Variants in CLEC4C observed in about 807,000 individuals in gnomAD.
CLEC4C encodes the protein C-type lectin domain family 4 member C, also known as C-type (calcium dependent, carbohydrate-recognition domain) lectin, superfamily member 11.
Under a neutral mutation model 27.7 loss-of-function variants are expected in CLEC4C, and 17 were observed. The observed-to-expected ratio is 0.61, with a 90% CI of 0.42 to 0.92. CLEC4C has a LOEUF of 0.92. Among genes scored for constraint, CLEC4C ranks in the 40% least tolerant of loss-of-function variants. The pLI is 0.00. For missense variants in CLEC4C, 244 were observed against 257.3 expected (o/e 0.95, Z 0.35); for synonymous variants, 80 against 80.8 (o/e 0.99, Z 0.06).
At position 7,743,677 on chromosome 12, in the gene CLEC4C, T is replaced by C. The variant is rs1051495392; in HGVS notation, c.125-2146A>G. ...ACGCCCGGCCTTAATTCTTTATTCA[T>C]GTATTTCATCATTCTGATTTTGAGA... On this transcript the variant is annotated intron_variant, in intron 2 of 5. Coordinates refer to ENST00000360345, the MANE Select transcript of CLEC4C (RefSeq NM_001371390.1). Among the ~76,000 whole-genome samples the C allele has an allele frequency of 2.0e-5, 3 of 152,156 alleles. No individual in the cohort carries two copies. In the South Asian group the frequency reaches 6.2e-4, roughly 31 times the overall value.
chr12:7,734,552 ATT>A (rs34564177), intron 4 of CLEC4C, among the ~76,000 whole-genome samples: 21 of 142,856 alleles, frequency 1.5e-4, no homozygotes, highest in African/African-American at 4.6e-4. Flanking sequence ...GAGGCCTCCA[ATT>A]TTTTTTTTTT....
intron 4 of CLEC4C, among the ~76,000 whole-genome samples, chr12:7,735,534 C>T (rs11055523): frequency 0.14 from 21,152 of 146,308 alleles, 1,607 homozygotes; most frequent in East Asian, 0.32. Context: ...CGGCCAGGCA[C>T]GGTGGCTCAC....
At chr12:7,734,353 CCA>C (rs1184052712) in intron 4 of CLEC4C, among the ~76,000 whole-genome samples, 2 of 152,050 alleles carry the variant, frequency 1.3e-5, no homozygotes, top group African/African-American at 4.8e-5. Context: ...AAATTAGAGT[CCA>C]GAGCCAAGAA....
rs1162616983 is a variant in CLEC4C, at chr12:7,734,795, G to A, written c.381+2634C>T. Among the ~76,000 whole-genome samples the A allele has an allele frequency of 4.0e-5, 6 of 151,330 alleles. No homozygotes were observed. The Middle Eastern group carries it at 0.01, about 257-fold the overall frequency. On this transcript the variant is annotated intron_variant, in intron 4 of 5. Coordinates refer to ENST00000360345, the MANE Select transcript of CLEC4C (RefSeq NM_001371390.1). ...ACTCCTGACCTGAGGTGATCCACCC[G>A]CCTCAGCCTCCCAAAGTGCTAGGAT... is the stretch of plus-strand genomic sequence containing the variant.
intron 2 of CLEC4C, among the ~76,000 whole-genome samples, chr12:7,745,224 G>A (rs1864944417): frequency 6.6e-6 from 1 of 151,884 alleles, no homozygotes; most frequent in Admixed American, 6.6e-5. Context: ...CTCTCATGGT[G>A]AGATGAATGC....
chr12:7,745,943 C>T (rs377544127), intron 2 of CLEC4C, among the ~76,000 whole-genome samples: 20 of 151,672 alleles, frequency 1.3e-4, no homozygotes, highest in East Asian at 5.9e-4. Context: ...TGGCCGGGCG[C>T]GGTGGCTCAC....
At chr12:7,740,813 G>T (rs781114466) in intron 3 of CLEC4C, among the ~76,000 whole-genome samples, 7 of 151,850 alleles carry the variant, frequency 4.6e-5, no homozygotes, top group Admixed American at 4.6e-4. Context: ...CAGTTCTGAG[G>T]ACCCCTGTTT....
chr12:7,734,939 G>T (rs1864688573), intron 4 of CLEC4C, among the ~76,000 whole-genome samples: 1 of 151,956 alleles, frequency 6.6e-6, no homozygotes, highest in African/African-American at 2.4e-5. Flanking sequence ...GGTGTCTCAG[G>T]CCTATAACCC....
At chr12:7,739,009 G>A (rs1026327943) in intron 3 of CLEC4C, among the ~76,000 whole-genome samples, 1 of 136,840 alleles carries the variant, frequency 7.3e-6, no homozygotes, top group East Asian at 2.2e-4. Flanking sequence ...CCCACCCTGT[G>A]TCCAAGTGTT....
chr12:7,747,499 A>C (rs960984683), upstream of CLEC4C: 1 of 710,710 alleles, frequency 1.4e-6, no homozygotes, highest in East Asian at 2.5e-5. Context: ...AAAGGAAGAG[A>C]TGTGACTTAG....
At chr12:7,743,379 C>CT (rs375768241) in intron 2 of CLEC4C, among the ~76,000 whole-genome samples, 258 of 143,772 alleles carry the variant, frequency 1.8e-3, no homozygotes, top group African/African-American at 1.8e-3. Context: ...TCACTTAATT[C>CT]TTTTTTTTTT....
Position 7,729,418 on chromosome 12 carries a change from GAA to G in CLEC4C, c.*176_*177del. 1 of 572,956 alleles carries G rather than the reference GAA, an allele frequency of 1.7e-6. No homozygotes were observed. Among genetic ancestry groups the G allele is most frequent in the Non-Finnish European group, 3.0e-6 (1 of 329,636 alleles). 35.5% of individuals were successfully genotyped at this position (572,956 alleles called of 1,614,324 possible). ...ACACTCATTTTATGAATGAATAAAT[GAA>G]TAAATGAATAAATGAATGTGTGAAT... On this transcript the variant is annotated 3_prime_UTR_variant, in exon 6 of 6. Coordinates refer to ENST00000360345, the MANE Select transcript of CLEC4C (RefSeq NM_001371390.1).
At chr12:7,737,227 C>T (rs960584586) in intron 4 of CLEC4C, among the ~76,000 whole-genome samples, 2 of 150,946 alleles carry the variant, frequency 1.3e-5, no homozygotes, top group Non-Finnish European at 3.0e-5. Context: ...GGAGACAGTC[C>T]CCCCAAAAAA....
chr12:7,746,051 T>TA (rs1314673947), intron 2 of CLEC4C, among the ~76,000 whole-genome samples: 1 of 150,782 alleles, frequency 6.6e-6, no homozygotes, highest in Non-Finnish European at 1.5e-5. Context: ...CCGTCTCTAC[T>TA]AAAAATACAA....
intron 3 of CLEC4C, 55 bp from the exon 4 acceptor site, chr12:7,737,629 TA>T (rs1430485808): frequency 6.5e-7 from 1 of 1,528,910 alleles, no homozygotes; most frequent in East Asian, 2.3e-5. Flanking sequence ...TCTCCTCACA[TA>T]AAGTTATAAG....
At chr12:7,739,584 G>A (rs911905747) in intron 3 of CLEC4C, among the ~76,000 whole-genome samples, 6 of 152,160 alleles carry the variant, frequency 3.9e-5, no homozygotes, top group African/African-American at 1.4e-4. Flanking sequence ...CCCTGAGGAG[G>A]TGAGTAGGCC....
chr12:7,738,465 T>G (rs970127163), intron 3 of CLEC4C, among the ~76,000 whole-genome samples: 1 of 152,166 alleles, frequency 6.6e-6, no homozygotes, highest in Admixed American at 6.6e-5. Context: ...TCAAAATGTT[T>G]TTCTTTATAT....
chr12:7,738,031 C>G (rs1280652448), intron 3 of CLEC4C, among the ~76,000 whole-genome samples: 2 of 152,144 alleles, frequency 1.3e-5, no homozygotes, highest in African/African-American at 4.8e-5. Context: ...TTCAGGTTCT[C>G]ATCATTCATT....
chr12:7,747,211 A>G, intron 1 of CLEC4C, 107 bp downstream of exon 1: 1 of 928,012 alleles, frequency 1.1e-6, no homozygotes, highest in South Asian at 1.3e-5. Flanking sequence ...TATTTATGAA[A>G]AGCTGTCTAC....
Sources: gnomAD v4.1 joint callset for allele counts (sites outside exome capture counted in the v4.1 genomes callset) on GRCh38, gnomAD v4.1.1 for gene constraint, MANE v1.5 for transcripts, NCBI Gene and HGNC (gene_info 2026-07-23, HGNC 2026-07-21) for gene names.